AZIN1: variants seen among roughly 807,000 people sequenced by gnomAD.
The protein encoded by AZIN1 is ornithine decarboxylase antizyme inhibitor.
Under a neutral mutation model 47.4 loss-of-function variants are expected in AZIN1, and 12 were observed. The observed-to-expected ratio is 0.25, with a 90% confidence interval of 0.16 to 0.41. The LOEUF (loss-of-function observed/expected upper bound fraction) is 0.41. AZIN1 is among the 10% of genes least tolerant of loss of function. The pLI is 1.00. For synonymous variants in AZIN1, 155 were observed against 176.3 expected, an observed-to-expected ratio of 0.88 and a Z score of 0.96; for missense variants, 410 against 532.4, an observed-to-expected ratio of 0.77 and a Z score of 2.26.
intron 3 of AZIN1, among the ~76,000 whole-genome samples, chr8:102,841,208 T>C (rs1812155945): frequency 6.6e-6 from 1 of 152,032 alleles, no homozygotes; most frequent in African/African-American, 2.4e-5. Context: ...GACGGATAGA[T>C]AGTGGGAATG....
At chr8:102,852,080 A>G (rs1225066173) in intron 2 of AZIN1, among the ~76,000 whole-genome samples, 1 of 152,128 alleles carries the variant, frequency 6.6e-6, no homozygotes, top group Non-Finnish European at 1.5e-5. Context: ...TTTTGGGGTG[A>G]TTGTTTTGTC....
chr8:102,843,084 G>T lies in AZIN1; in HGVS notation c.102+467C>A, dbSNP rs569270164. 6.6e-5 allele frequency among the ~76,000 whole-genome samples: 10 copies of T among 151,336 alleles called. No individual in the cohort carries two copies. In the South Asian group the frequency reaches 2.1e-3, roughly 32 times the overall value. ...TAGCCGGGTGTGGTGGTGTGCGCCT[G>T]TAATTCTAGCTAATTCAGGAGGCTG... On this transcript the variant is annotated intron_variant, in intron 3 of 11. Coordinates refer to ENST00000337198, the MANE Select transcript of AZIN1 (RefSeq NM_148174.4).
chr8:102,853,433 T>C (rs1586199223), intron 2 of AZIN1, among the ~76,000 whole-genome samples: 1 of 151,962 alleles, frequency 6.6e-6, no homozygotes, highest in Non-Finnish European at 1.5e-5. Flanking sequence ...ACCCGGGAGG[T>C]GGAGTTTGCA....
At chr8:102,831,257 A>G (rs549735490) in intron 9 of AZIN1, among the ~76,000 whole-genome samples, 39 of 152,194 alleles carry the variant, frequency 2.6e-4, no homozygotes, top group Non-Finnish European at 5.1e-4. Context: ...CTAAACTCAT[A>G]AACAGGAGGG....
chr8:102,841,286 T>C (rs1812162129), intron 3 of AZIN1, among the ~76,000 whole-genome samples: 1 of 151,830 alleles, frequency 6.6e-6, no homozygotes, highest in Admixed American at 6.6e-5. Context: ...AAACAAAAGG[T>C]GGACTGAATG....
intron 5 of AZIN1, 66 bp from the exon 6 acceptor site, chr8:102,836,456 A>G: frequency 6.5e-7 from 1 of 1,527,780 alleles, no homozygotes; most frequent in Non-Finnish European, 9.0e-7. Context: ...GTGAAGCCTG[A>G]AGATTGTAGG....
intron 2 of AZIN1, among the ~76,000 whole-genome samples, chr8:102,857,237 G>A (rs1472990297): frequency 6.6e-6 from 1 of 152,060 alleles, no homozygotes; most frequent in African/African-American, 2.4e-5. Flanking sequence ...TTATCGAATA[G>A]GGATCTGTTT....
At chr8:102,832,281 G>T (rs1198138475) in intron 9 of AZIN1, among the ~76,000 whole-genome samples, 1 of 152,068 alleles carries the variant, frequency 6.6e-6, no homozygotes, top group East Asian at 1.9e-4. Context: ...TTGGGGAAAT[G>T]GACAACTTTC....
At chr8:102,858,493 G>C (rs1380861444) in intron 1 of AZIN1, among the ~76,000 whole-genome samples, 1 of 152,018 alleles carries the variant, frequency 6.6e-6, no homozygotes, top group Admixed American at 6.6e-5. Flanking sequence ...AAGTGGTCCA[G>C]AATTTAAAAA....
At chr8:102,831,906 G>A (rs1374269856) in intron 9 of AZIN1, among the ~76,000 whole-genome samples, 2 of 152,140 alleles carry the variant, frequency 1.3e-5, no homozygotes, top group Middle Eastern at 3.2e-3. Context: ...AATGAGCCCT[G>A]ATGGAGCCAC....
intron 7 of AZIN1, 40 bp downstream of exon 7, chr8:102,834,626 T>A: frequency 6.8e-7 from 1 of 1,478,258 alleles, no homozygotes; most frequent in South Asian, 1.2e-5. Flanking sequence ...ACATCCTGGC[T>A]AAAATAAAAT....
chr8:102,841,217 TGGA>T (rs1358451714), intron 3 of AZIN1, among the ~76,000 whole-genome samples: 3 of 152,008 alleles, frequency 2.0e-5, no homozygotes, highest in African/African-American at 7.3e-5. Flanking sequence ...ATAGTGGGAA[TGGA>T]GGAGATGAAT....
chr8:102,844,410 T>G (rs1812428007), intron 2 of AZIN1, among the ~76,000 whole-genome samples: 1 of 151,896 alleles, frequency 6.6e-6, no homozygotes, highest in Admixed American at 6.6e-5. Flanking sequence ...GAGGGTGGCT[T>G]GAGGGAACAA....
At chr8:102,854,085 C>A (rs902254139) in intron 2 of AZIN1, among the ~76,000 whole-genome samples, 1 of 151,950 alleles carries the variant, frequency 6.6e-6, no homozygotes, top group Non-Finnish European at 1.5e-5. Flanking sequence ...CATGCGTGCA[C>A]CACCATGCCC....
chr8:102,843,115 G>A (rs974098269), intron 3 of AZIN1, among the ~76,000 whole-genome samples: 1 of 146,752 alleles, frequency 6.8e-6, no homozygotes, highest in African/African-American at 2.5e-5. Flanking sequence ...GGCTGAGAGA[G>A]AACTGCTTGA....
At chr8:102,843,449 T>G (rs919348725) in intron 3 of AZIN1, 102 bp downstream of exon 3, 1 of 995,732 alleles carries the variant, frequency 1.0e-6, no homozygotes, top group African/African-American at 1.6e-5. Flanking sequence ...AGATAGCATA[T>G]GAACCAAGTA....
At chr8:102,849,876 G>T (rs1250850334) in intron 2 of AZIN1, 3 of 151,962 alleles carry the variant, frequency 2.0e-5, no homozygotes, top group Non-Finnish European at 4.4e-5. Flanking sequence ...GAAACAAAAG[G>T]CTCCAAAGAA....
chr8:102,858,574 T>G (rs1350622701), intron 1 of AZIN1, among the ~76,000 whole-genome samples: 1 of 152,180 alleles, frequency 6.6e-6, no homozygotes, highest in African/African-American at 2.4e-5. Flanking sequence ...CATGACCCAA[T>G]AGTTTGGAAC....
intron 2 of AZIN1, among the ~76,000 whole-genome samples, chr8:102,846,253 C>T (rs1812561746): frequency 6.6e-6 from 1 of 152,200 alleles, no homozygotes; most frequent in African/African-American, 2.4e-5. Context: ...CTTATAAAAA[C>T]ATCAGGCCCA....
Sources: gnomAD v4.1 joint callset for allele counts (sites outside exome capture counted in the v4.1 genomes callset) on GRCh38, gnomAD v4.1.1 for gene constraint, MANE v1.5 for transcripts, NCBI Gene and HGNC (gene_info 2026-07-23, HGNC 2026-07-21) for gene names.